SIPA1L3: variants seen among roughly 807,000 people sequenced by gnomAD.
SIPA1L3 encodes signal induced proliferation associated 1 like 3, also known as signal-induced proliferation-associated 1-like protein 3.
SIPA1L3 carries 59 observed loss-of-function variants against 150.1 expected under a neutral mutation model. That is an observed-to-expected ratio of 0.39 (90% CI 0.32 to 0.49). The LOEUF is 0.49. Ranked by LOEUF, SIPA1L3 falls within the 20% of genes least tolerant of loss-of-function variation. The probability of loss-of-function intolerance (pLI) is 0.86; values close to 1 mark genes in which losing one functional copy is unlikely to be tolerated. For missense variants in SIPA1L3, 2,211 were observed against 2,489.5 expected, an observed-to-expected ratio of 0.89 and a Z score of 2.38; for synonymous variants, 1,070 against 1,077.6, an observed-to-expected ratio of 0.99 and a Z score of 0.14.
At chr19:38,059,478 AT>A (rs1254551809) in intron 2 of SIPA1L3, among the ~76,000 whole-genome samples, 2 of 151,736 alleles carry the variant, frequency 1.3e-5, no homozygotes, top group African/African-American at 2.4e-5. Context: ...TAATTTTTGT[AT>A]TTTTCATAGA....
chr19:37,965,858 C>T (rs2046899722), intron 1 of SIPA1L3, among the ~76,000 whole-genome samples: 1 of 152,114 alleles, frequency 6.6e-6, no homozygotes, highest in African/African-American at 2.4e-5. Flanking sequence ...GGCTTCATGT[C>T]TGGGACCCAG....
chr19:38,141,288 A>G lies in SIPA1L3; in HGVS notation c.3248A>G (p.Gln1083Arg), dbSNP rs748127105. 9 of 1,613,822 alleles carry G rather than the reference A, an allele frequency of 5.6e-6. No homozygotes were observed. Among genetic ancestry groups the G allele is most frequent in the East Asian group, 2.2e-5 (1 of 44,854 alleles). ...RPPYRSNAPW[Q>R]WSGPASHNSL... ...CCCTACCGCAGCAATGCTCCCTGGCAGTGGAGCGGGCCCGCATCCCATAAC... is the reference window on the plus strand; with the variant it reads ...CCCTACCGCAGCAATGCTCCCTGGCGGTGGAGCGGGCCCGCATCCCATAAC... The change falls in exon 11 of 22, where the codon CAG becomes CGG. Residue 1083 changes from glutamine (Q) to arginine (R), a missense_variant. Physicochemically the swap from Gln to Arg is conservative, Grantham distance 43 (BLOSUM62 1). Transcript: ENST00000222345.
At chr19:38,091,503 C>T (rs555263357) in intron 4 of SIPA1L3, among the ~76,000 whole-genome samples, 1 of 152,328 alleles carries the variant, frequency 6.6e-6, no homozygotes, top group Non-Finnish European at 1.5e-5. Flanking sequence ...TATCTATTAA[C>T]TCACTTAAAT....
intron 15 of SIPA1L3, among the ~76,000 whole-genome samples, chr19:38,170,364 G>A (rs1317067445): frequency 6.6e-6 from 1 of 152,174 alleles, no homozygotes; most frequent in African/African-American, 2.4e-5. Flanking sequence ...CTCCCATGGC[G>A]GCCACACTGC....
chr19:38,165,006 C>T, intron 15 of SIPA1L3, 100 bp downstream of exon 15: 1 of 1,092,806 alleles, frequency 9.2e-7, no homozygotes, highest in Non-Finnish European at 1.3e-6. Flanking sequence ...GAAACACACT[C>T]ACGGATGAAT....
At chr19:37,923,152 A>T (rs1005685419) in intron 1 of SIPA1L3, among the ~76,000 whole-genome samples, 6 of 150,722 alleles carry the variant, frequency 4.0e-5, no homozygotes, top group Non-Finnish European at 7.4e-5. Flanking sequence ...AAAAAAAAAG[A>T]AGTACAACAC....
In SIPA1L3 at chr19:37,972,208, A is replaced by G. The variant is rs1188730047; in HGVS notation, c.-378-56881A>G. Among the ~76,000 whole-genome samples the G allele has an allele frequency of 6.8e-5, 7 of 103,036 alleles. No homozygotes were observed. In the East Asian group the frequency reaches 1.6e-3, roughly 24 times the overall value. 67.6% of individuals were successfully genotyped at this position (103,036 alleles called of 152,430 possible). On this transcript the variant is annotated intron_variant, in intron 1 of 21. Transcript: ENST00000222345. ...GTGTGTGTGTGTGTGTGTGTGTGTCATGGGCCCTTTGACATCTTTTTCTCT... is the reference window on the plus strand; with the variant it reads ...GTGTGTGTGTGTGTGTGTGTGTGTCGTGGGCCCTTTGACATCTTTTTCTCT...
intron 1 of SIPA1L3, among the ~76,000 whole-genome samples, chr19:37,952,484 C>T (rs2046773644): frequency 6.6e-6 from 1 of 151,856 alleles, no homozygotes; most frequent in South Asian, 2.1e-4. Flanking sequence ...ACCAGCCTGG[C>T]CAACATGGTG....
intron 8 of SIPA1L3, among the ~76,000 whole-genome samples, chr19:38,115,914 G>A (rs1970871047): frequency 6.6e-6 from 1 of 152,160 alleles, no homozygotes; most frequent in South Asian, 2.1e-4. Flanking sequence ...ATGCCTAAGA[G>A]CGTGGAGTCC....
chr19:38,078,525 GACGCACACAGAC>G (rs374739919), intron 2 of SIPA1L3, among the ~76,000 whole-genome samples: 1 of 132,252 alleles, frequency 7.6e-6, no homozygotes, highest in Non-Finnish European at 1.7e-5. Context: ...CACACACACA[GACGCACACAGAC>G]ACGCACACAC....
chr19:38,003,462 C>T (rs939222428), intron 1 of SIPA1L3, among the ~76,000 whole-genome samples: 1 of 152,222 alleles, frequency 6.6e-6, no homozygotes, highest in East Asian at 1.9e-4. Context: ...ATAAGCCCCA[C>T]TTCTGAATGA....
At chr19:38,044,473 G>A (rs1969004510) in intron 2 of SIPA1L3, among the ~76,000 whole-genome samples, 1 of 152,144 alleles carries the variant, frequency 6.6e-6, no homozygotes. Flanking sequence ...AGGAGACCTG[G>A]AGAGTATGGA....
chr19:38,088,461 AT>A (rs1415817197), intron 3 of SIPA1L3, among the ~76,000 whole-genome samples: 1 of 152,274 alleles, frequency 6.6e-6, no homozygotes, highest in East Asian at 1.9e-4. Context: ...TGTGGGTGGC[AT>A]CAAGGTCCTG....
chr19:37,990,525 G>A (rs1385929881), intron 1 of SIPA1L3, among the ~76,000 whole-genome samples: 1 of 152,182 alleles, frequency 6.6e-6, no homozygotes, highest in African/African-American at 2.4e-5. Context: ...ATGGAGACAA[G>A]GAATAGATAC....
At chr19:38,116,076 A>T (rs555151301) in intron 8 of SIPA1L3, among the ~76,000 whole-genome samples, 13 of 152,248 alleles carry the variant, frequency 8.5e-5, no homozygotes, top group African/African-American at 2.9e-4. Flanking sequence ...CTATTTTTTT[A>T]AATTATCCTA....
At chr19:38,045,710 G>A (rs967701317) in intron 2 of SIPA1L3, among the ~76,000 whole-genome samples, 15 of 152,264 alleles carry the variant, frequency 9.9e-5, no homozygotes, top group Middle Eastern at 3.4e-3. Context: ...TGTGAAGCTC[G>A]ACGGGGAGGA....
rs575634122 is a variant in SIPA1L3 at position 38,124,808 on chromosome 19, C to T, written c.2868+4926C>T. On this transcript the variant is annotated intron_variant, in intron 9 of 21. Transcript: ENST00000222345. The stretch of plus-strand genomic sequence containing the variant: ...CGCGGTTAGGAGCTGGAGACCAGCC[C>T]GGCCATCACAGCGAAACCCCGTCTC... 8.7e-3 allele frequency among the ~76,000 whole-genome samples: 1,317 copies of T among 152,102 alleles called. 9 individuals are homozygous for T. Among genetic ancestry groups the T allele is most frequent in the Non-Finnish European group, 0.012 (831 of 67,986 alleles).
intron 1 of SIPA1L3, among the ~76,000 whole-genome samples, chr19:37,969,079 A>G (rs1457650175): frequency 1.3e-5 from 2 of 152,192 alleles, no homozygotes; most frequent in Non-Finnish European, 2.9e-5. Context: ...ATAACTTTCA[A>G]AAATCCTGAC....
At chr19:38,187,715 CAAAAAAAAAAA>C (rs34187992) in intron 16 of SIPA1L3, among the ~76,000 whole-genome samples, 1 of 59,532 alleles carries the variant, frequency 1.7e-5, no homozygotes, top group Non-Finnish European at 2.9e-5. Context: ...GACTCCGTCT[CAAAAAAAAAAA>C]AAAAAAAAAA....
Sources: gnomAD v4.1 joint callset for allele counts (sites outside exome capture counted in the v4.1 genomes callset) on GRCh38, gnomAD v4.1.1 for gene constraint, MANE v1.5 for transcripts, NCBI Gene and HGNC (gene_info 2026-07-23, HGNC 2026-07-21) for gene names.